The following TANC2 variants were observed in gnomAD, a reference collection of about 807,000 sequenced individuals.
TANC2 encodes the protein protein TANC2.
Under a neutral mutation model 210.5 loss-of-function variants are expected in TANC2, and 26 were observed. The ratio of observed to expected loss-of-function variants is 0.12; its 90% CI spans 0.09 to 0.17. The LOEUF (loss-of-function observed/expected upper bound fraction) is 0.17, where lower values mean the gene tolerates loss of function less well. Ranked by LOEUF, TANC2 falls within the 10% of genes least tolerant of loss-of-function variation. The pLI, the probability that TANC2 is intolerant of heterozygous loss-of-function variation, is 1.00. For missense variants in TANC2, 2,129 were observed against 2,608.9 expected (o/e 0.82, Z 4.01); for synonymous variants, 931 against 967.1 (o/e 0.96, Z 0.69).
chr17:63,405,355 A>G, intron 20 of TANC2, 100 bp downstream of exon 20: 2 of 1,345,970 alleles, frequency 1.5e-6, no homozygotes, highest in South Asian at 1.7e-5. Flanking sequence ...AGTTTGGGTT[A>G]CCCAGCAGTG....
chr17:63,034,378 G>A lies in TANC2; in HGVS notation c.67+24752G>A, dbSNP rs117622591. Among the ~76,000 whole-genome samples the A allele has an allele frequency of 3.9e-3, 590 of 152,254 alleles. 4 individuals carry two copies. The highest frequency in any genetic ancestry group is 0.01 in the Middle Eastern group (3 of 294). On this transcript the variant is annotated intron_variant, in intron 2 of 27. Transcript: ENST00000689528. The stretch of plus-strand genomic sequence containing the variant: ...GCTTACTAAATATTTTAGGCCCACC[G>A]TTGAGATCTACTGCACAGTGCTCTG...
intron 3 of TANC2, among the ~76,000 whole-genome samples, chr17:63,098,849 T>C (rs1365560253): frequency 6.9e-6 from 1 of 144,710 alleles, no homozygotes; most frequent in African/African-American, 2.6e-5. Flanking sequence ...ACCTTTAATG[T>C]GTGTCTTATC....
intron 4 of TANC2, among the ~76,000 whole-genome samples, chr17:63,139,151 T>C (rs1009381717): frequency 1.3e-5 from 2 of 152,240 alleles, no homozygotes; most frequent in Non-Finnish European, 2.9e-5. Context: ...CTTATTACTT[T>C]CTCTGTTTAT....
chr17:63,238,038 A>T, exon 8 of TANC2: 1 of 1,547,486 alleles, frequency 6.5e-7, no homozygotes. Flanking sequence ...AGTACAGTCT[A>T]TTCCTTTGTA....
intron 8 of TANC2, among the ~76,000 whole-genome samples, chr17:63,266,384 T>C (rs2043526536): frequency 6.6e-6 from 1 of 152,196 alleles, no homozygotes; most frequent in African/African-American, 2.4e-5. Context: ...AATTTTGTTA[T>C]ATTTGTTAAA....
intron 2 of TANC2, among the ~76,000 whole-genome samples, chr17:63,047,069 T>G (rs527406792): frequency 1.3e-5 from 2 of 152,322 alleles, no homozygotes; most frequent in African/African-American, 4.8e-5. Flanking sequence ...ATTACTAATA[T>G]CTTTTGAAAT....
chr17:62,972,056 A>G (rs2031728034), intron 1 of TANC2, among the ~76,000 whole-genome samples: 1 of 152,230 alleles, frequency 6.6e-6, no homozygotes, highest in African/African-American at 2.4e-5. Context: ...TTAGAAGGCT[A>G]AAGCAGGTTA....
intron 8 of TANC2, among the ~76,000 whole-genome samples, chr17:63,248,729 C>T (rs1284813048): frequency 6.6e-6 from 1 of 152,058 alleles, no homozygotes; most frequent in African/African-American, 2.4e-5. Flanking sequence ...CTGGATTGAA[C>T]TGTAATGAAT....
At chr17:63,015,538 A>T (rs8071770) in intron 2 of TANC2, among the ~76,000 whole-genome samples, 2 of 151,516 alleles carry the variant, frequency 1.3e-5, no homozygotes, top group African/African-American at 4.9e-5. Flanking sequence ...TCATTGTTCA[A>T]TTCCCACCTA....
At chr17:63,159,677 A>C (rs2039957607) in intron 5 of TANC2, among the ~76,000 whole-genome samples, 1 of 152,222 alleles carries the variant, frequency 6.6e-6, no homozygotes, top group Non-Finnish European at 1.5e-5. Flanking sequence ...TGGTATTGTA[A>C]GTAACCTAGA....
At chr17:62,975,215 A>G (rs2031932752) in intron 1 of TANC2, among the ~76,000 whole-genome samples, 1 of 152,180 alleles carries the variant, frequency 6.6e-6, no homozygotes. Context: ...GAAGGTAGTC[A>G]CTTCTTAGCC....
chr17:63,274,641 C>A (rs907637230), intron 9 of TANC2, among the ~76,000 whole-genome samples: 3 of 151,842 alleles, frequency 2.0e-5, no homozygotes, highest in African/African-American at 7.3e-5. Flanking sequence ...TGGTAAAACC[C>A]CATCTCTACT....
chr17:62,996,994 T>TTTTTTTTTTTTTTTTTTTTTGAG (rs2033144497), intron 1 of TANC2, among the ~76,000 whole-genome samples: 5 of 143,654 alleles, frequency 3.5e-5, no homozygotes, highest in South Asian at 2.2e-4. Flanking sequence ...TTTGTATTTT[T>TTTTTTTTTTTTTTTTTTTTTGAG]AGTATAGATG....
At chr17:63,190,812 C>G (rs1035527365) in intron 5 of TANC2, among the ~76,000 whole-genome samples, 1 of 152,192 alleles carries the variant, frequency 6.6e-6, no homozygotes, top group Non-Finnish European at 1.5e-5. Context: ...AAAGACCAGA[C>G]AATCTTTAAA....
exon 15 of TANC2, chr17:63,379,721 T>C (rs1460365808): frequency 1.3e-6 from 2 of 1,594,864 alleles, no homozygotes; most frequent in African/African-American, 2.7e-5. Flanking sequence ...TTTGCAGGAG[T>C]GGTCACACGT....
At chr17:63,191,877 G>A (rs897645599) in intron 5 of TANC2, among the ~76,000 whole-genome samples, 4 of 152,154 alleles carry the variant, frequency 2.6e-5, no homozygotes, top group Non-Finnish European at 5.9e-5. Context: ...AAACCAGAAA[G>A]GAAGTGCCTC....
chr17:63,396,098 C>T, intron 18 of TANC2, 170 bp downstream of exon 18: 1 of 625,812 alleles, frequency 1.6e-6, no homozygotes, highest in East Asian at 2.8e-5. Context: ...TACTCAAATG[C>T]CAAAGTCCCT....
chr17:63,073,908 A>T, intron 2 of TANC2, 35 bp from the exon 3 acceptor site: 1 of 1,527,024 alleles, frequency 6.5e-7, no homozygotes, highest in Non-Finnish European at 8.9e-7. Context: ...CAATCTCATT[A>T]TCTATTTGCT....
intron 2 of TANC2, among the ~76,000 whole-genome samples, chr17:63,045,189 T>TAAAA (rs1415756134): frequency 6.6e-6 from 1 of 152,254 alleles, no homozygotes; most frequent in Non-Finnish European, 1.5e-5. Flanking sequence ...TGCCTGCTTT[T>TAAAA]GCACCACAAT....
Sources: gnomAD v4.1 joint callset for allele counts (sites outside exome capture counted in the v4.1 genomes callset) on GRCh38, gnomAD v4.1.1 for gene constraint, MANE v1.5 for transcripts, NCBI Gene and HGNC (gene_info 2026-07-23, HGNC 2026-07-21) for gene names.